The following ADGB variants were observed in gnomAD, a reference collection of about 807,000 sequenced individuals.
The protein encoded by ADGB is calpain-7-like protein.
Under a neutral mutation model 210.5 loss-of-function variants are expected in ADGB, and 172 were observed. That is an observed-to-expected ratio of 0.82 (90% CI 0.72 to 0.93). The LOEUF is 0.93. ADGB is among the 40% of genes least tolerant of loss of function. The pLI is 0.00. For synonymous variants in ADGB, 658 were observed against 662.7 expected, an observed-to-expected ratio of 0.99 and a Z score of 0.11; for missense variants, 2,025 against 1,964.8, an observed-to-expected ratio of 1.03 and a Z score of -0.58.
chr6:146,736,477 A>G, intron 22 of ADGB, 21 bp from the exon 23 acceptor site: 1 of 1,422,228 alleles, frequency 7.0e-7, no homozygotes, highest in East Asian at 2.5e-5. Flanking sequence ...TAACGTTTTT[A>G]TTATTTATTA....
At chr6:146,614,211 TCCTTCCTCCCTTCCTTC>T (rs1562255235) in intron 1 of ADGB, among the ~76,000 whole-genome samples, 1 of 35,888 alleles carries the variant, frequency 2.8e-5, no homozygotes, top group Non-Finnish European at 1.0e-4. Flanking sequence ...CTTCCTCCCT[TCCTTCCTCCCTTCCTTC>T]CTTCCTTCCT....
At chr6:146,695,172 G>T (rs1017632369) in intron 12 of ADGB, among the ~76,000 whole-genome samples, 2 of 151,996 alleles carry the variant, frequency 1.3e-5, no homozygotes, top group African/African-American at 4.8e-5. Flanking sequence ...CTTTTCCGGG[G>T]CTTTGTTTCA....
rs145847609 is a variant in ADGB at position 146,736,258 on chromosome 6, A to G, written c.2795-240A>G. ...ATGACTATCTTAAATTAGGTCAAGC[A>G]ATATTCTAAAACTTTAAATTAAAGA... is the stretch of plus-strand genomic sequence containing the variant. On this transcript the variant is annotated intron_variant, in intron 22 of 35. Transcript: ENST00000397944. Among the ~76,000 whole-genome samples, 95 of 152,314 alleles carry G rather than the reference A, an allele frequency of 6.2e-4. No individual in the cohort carries two copies. The East Asian group carries it at 7.9e-3, about 13-fold the overall frequency.
rs574574605 is a variant in ADGB, at chr6:146,686,075, T to A, written c.1311+247T>A. Among the ~76,000 whole-genome samples the A allele has an allele frequency of 8.5e-4, 129 of 152,210 alleles. 1 individual carries two copies. The highest frequency in any genetic ancestry group is 1.5e-3 in the Non-Finnish European group (104 of 67,978). ...AGGAAAAGAAAAAATACATAGTCAC[T>A]TTTAATTTTTATAGATCCTTCTGTT... On this transcript the variant is annotated intron_variant, in intron 10 of 35. Coordinates refer to ENST00000397944, the MANE Select transcript of ADGB (RefSeq NM_024694.4).
intron 10 of ADGB, among the ~76,000 whole-genome samples, chr6:146,690,121 C>T (rs1009284221): frequency 6.6e-6 from 1 of 152,150 alleles, no homozygotes; most frequent in African/African-American, 2.4e-5. Context: ...AAGGACTCTA[C>T]TATCTCACGG....
At chr6:146,792,827 A>C (rs902297066) in intron 33 of ADGB, among the ~76,000 whole-genome samples, 1 of 152,162 alleles carries the variant, frequency 6.6e-6, no homozygotes, top group African/African-American at 2.4e-5. Flanking sequence ...AACACTTGAA[A>C]ACATTTATTA....
At chr6:146,725,921 T>C in intron 18 of ADGB, 162 bp from the exon 19 acceptor site, 1 of 520,062 alleles carries the variant, frequency 1.9e-6, no homozygotes, top group Non-Finnish European at 3.5e-6. Flanking sequence ...AGGGTTCTTA[T>C]AGAGTGCAAA....
At chr6:146,682,869 C>T (rs1030525958) in intron 9 of ADGB, among the ~76,000 whole-genome samples, 3 of 151,906 alleles carry the variant, frequency 2.0e-5, no homozygotes, top group African/African-American at 7.2e-5. Context: ...AATTTTGAAC[C>T]TTCTCTCTTT....
At position 146,721,649 on chromosome 6, in the gene ADGB, C is replaced by T; in HGVS notation, c.2095+144C>T. On this transcript the variant is annotated intron_variant, in intron 17 of 35. Transcript: ENST00000397944. ...AGTCAGGAGTCCTAGGCCAGCCTGACCAACATGGTGAAACCTTGTCTCTAC... is the reference window on the plus strand; with the variant it reads ...AGTCAGGAGTCCTAGGCCAGCCTGATCAACATGGTGAAACCTTGTCTCTAC... The T allele has an allele frequency of 5.6e-6, 3 of 537,934 alleles. No homozygotes were observed. The South Asian group carries it at 6.9e-5, about 12-fold the overall frequency. 33.3% of individuals were successfully genotyped at this position (537,934 alleles called of 1,614,324 possible). A position where few individuals can be genotyped will look rare whatever the true frequency, so the allele number is the denominator to read the frequency against.
At chr6:146,637,854 T>A (rs2114861411) in intron 2 of ADGB, among the ~76,000 whole-genome samples, 1 of 152,044 alleles carries the variant, frequency 6.6e-6, no homozygotes, top group South Asian at 2.1e-4. Flanking sequence ...TTCCAAAAAA[T>A]TGAGAAGGAG....
chr6:146,685,506 G>T (rs1485507540), intron 9 of ADGB, among the ~76,000 whole-genome samples: 3 of 151,880 alleles, frequency 2.0e-5, no homozygotes, highest in East Asian at 1.9e-4. Flanking sequence ...GTATAATAAG[G>T]TCTTAAATTA....
At chr6:146,729,957 A>T (rs1489366161) in intron 20 of ADGB, among the ~76,000 whole-genome samples, 1 of 152,108 alleles carries the variant, frequency 6.6e-6, no homozygotes, top group East Asian at 1.9e-4. Flanking sequence ...TCCAGTTGTG[A>T]CAACTGAAAA....
chr6:146,630,762 TTTAA>T (rs1401886543), intron 1 of ADGB, among the ~76,000 whole-genome samples: 1 of 151,862 alleles, frequency 6.6e-6, no homozygotes, highest in Non-Finnish European at 1.5e-5. Context: ...TTTCCAAGAG[TTTAA>T]TTGTCTTTAA....
At chr6:146,805,678 C>G (rs1208348674) in intron 35 of ADGB, among the ~76,000 whole-genome samples, 1 of 152,162 alleles carries the variant, frequency 6.6e-6, no homozygotes, top group Non-Finnish European at 1.5e-5. Context: ...TCACTCCTCT[C>G]TCTTCCTGGA....
chr6:146,781,969 A>G (rs1414979861), intron 29 of ADGB, 51 bp from the exon 30 acceptor site: 6 of 1,327,912 alleles, frequency 4.5e-6, no homozygotes, highest in Non-Finnish European at 5.9e-6. Context: ...CTGTGAAACC[A>G]TTTTATTGTT....
At chr6:146,803,872 GA>G in intron 35 of ADGB, 1 of 361,800 alleles carries the variant, frequency 2.8e-6, no homozygotes, top group Admixed American at 4.5e-5. Context: ...GGATAGCTGG[GA>G]AAAGTCTTAA....
At chr6:146,722,119 AC>A (rs1254530221) in intron 17 of ADGB, among the ~76,000 whole-genome samples, 1 of 152,140 alleles carries the variant, frequency 6.6e-6, no homozygotes, top group Non-Finnish European at 1.5e-5. Flanking sequence ...CTATTGAAAA[AC>A]GAACTATTTT....
intron 27 of ADGB, among the ~76,000 whole-genome samples, chr6:146,758,913 A>G (rs1562293990): frequency 6.6e-6 from 1 of 152,000 alleles, no homozygotes; most frequent in African/African-American, 2.4e-5. Context: ...CTATTATTGT[A>G]CATTAGATAA....
At chr6:146,729,586 C>T (rs1348158937) in intron 20 of ADGB, among the ~76,000 whole-genome samples, 2 of 151,922 alleles carry the variant, frequency 1.3e-5, no homozygotes, top group Admixed American at 1.3e-4. Flanking sequence ...AGGCATGCAC[C>T]ACCACACCTG....
Sources: gnomAD v4.1 joint callset for allele counts (sites outside exome capture counted in the v4.1 genomes callset) on GRCh38, gnomAD v4.1.1 for gene constraint, MANE v1.5 for transcripts, NCBI Gene and HGNC (gene_info 2026-07-23, HGNC 2026-07-21) for gene names.